The following DGKB variants were observed in gnomAD, a reference collection of about 807,000 sequenced individuals.
The protein encoded by DGKB is diacylglycerol kinase beta, also known as 90 kDa diacylglycerol kinase.
Under a neutral mutation model 114.3 loss-of-function variants are expected in DGKB, and 67 were observed. That is an observed-to-expected ratio of 0.59 (90% confidence interval 0.48 to 0.72). The LOEUF (loss-of-function observed/expected upper bound fraction) is 0.72. Among genes scored for constraint, DGKB ranks in the 30% least tolerant of loss-of-function variants. The pLI is 0.00. For synonymous variants in DGKB, 398 were observed against 323.1 expected, an observed-to-expected ratio of 1.23 and a Z score of -2.49; for missense variants, 907 against 975.2, an observed-to-expected ratio of 0.93 and a Z score of 0.93.
intron 5 of DGKB, among the ~76,000 whole-genome samples, chr7:14,729,110 T>C (rs1158755278): frequency 6.8e-6 from 1 of 147,418 alleles, no homozygotes; most frequent in Non-Finnish European, 1.5e-5. Flanking sequence ...TGGAAACGGG[T>C]TTCATTTTCT....
chr7:14,477,923 T>C (rs1427539332), intron 21 of DGKB, among the ~76,000 whole-genome samples: 1 of 152,106 alleles, frequency 6.6e-6, no homozygotes, highest in Non-Finnish European at 1.5e-5. Flanking sequence ...TCTTTCTTTA[T>C]AATACATGAG....
At chr7:14,303,586 C>A (rs1272234878) in intron 23 of DGKB, among the ~76,000 whole-genome samples, 2 of 151,932 alleles carry the variant, frequency 1.3e-5, no homozygotes. Context: ...TCAGACCAAA[C>A]CTAGTCTTGA....
intron 17 of DGKB, among the ~76,000 whole-genome samples, chr7:14,598,038 C>A (rs1390053883): frequency 6.6e-6 from 1 of 152,020 alleles, no homozygotes; most frequent in Non-Finnish European, 1.5e-5. Flanking sequence ...TCAAATTATT[C>A]CCACAGAAGG....
chr7:14,652,288 G>T (rs1408562779), intron 13 of DGKB, among the ~76,000 whole-genome samples: 1 of 152,144 alleles, frequency 6.6e-6, no homozygotes, highest in East Asian at 1.9e-4. Context: ...CACGGTACTG[G>T]TACCAAAACA....
At chr7:14,298,438 A>G (rs992348505) in intron 23 of DGKB, among the ~76,000 whole-genome samples, 2 of 152,198 alleles carry the variant, frequency 1.3e-5, no homozygotes, top group African/African-American at 4.8e-5. Context: ...CAAACCTGAC[A>G]AAAACAAGCA....
intron 4 of DGKB, among the ~76,000 whole-genome samples, chr7:14,742,729 G>C (rs116141950): frequency 0.011 from 1,632 of 152,236 alleles, 31 homozygotes; most frequent in African/African-American, 0.037. Context: ...TTACATTAAA[G>C]TTTAAAATTG....
At chr7:14,885,177 G>T (rs1445818445) in intron 1 of DGKB, among the ~76,000 whole-genome samples, 2 of 151,884 alleles carry the variant, frequency 1.3e-5, no homozygotes, top group Non-Finnish European at 2.9e-5. Flanking sequence ...TGTGTAGGAA[G>T]GAAAGGAGAG....
chr7:14,312,424 T>A (rs1805557998), intron 23 of DGKB, among the ~76,000 whole-genome samples: 1 of 152,230 alleles, frequency 6.6e-6, no homozygotes. Flanking sequence ...ATGAAACAAG[T>A]AGCACCTAAC....
intron 1 of DGKB, among the ~76,000 whole-genome samples, chr7:14,897,189 T>C (rs1023229599): frequency 1.3e-5 from 2 of 151,934 alleles, no homozygotes; most frequent in African/African-American, 2.4e-5. Context: ...AAGCCCTACG[T>C]GTTATACAGT....
At chr7:14,882,157 TA>T (rs896855118) in intron 1 of DGKB, among the ~76,000 whole-genome samples, 8 of 151,856 alleles carry the variant, frequency 5.3e-5, no homozygotes, top group Non-Finnish European at 1.0e-4. Flanking sequence ...AATTTGGAGT[TA>T]AAAAAGTGAG....
chr7:14,842,503 C>G (rs1192859969), intron 1 of DGKB, among the ~76,000 whole-genome samples: 2 of 152,194 alleles, frequency 1.3e-5, no homozygotes, highest in African/African-American at 4.8e-5. Flanking sequence ...GATATCTTTT[C>G]TCTTTTCTCT....
intron 21 of DGKB, among the ~76,000 whole-genome samples, chr7:14,410,988 T>G (rs1824775550): frequency 6.6e-6 from 1 of 152,168 alleles, no homozygotes; most frequent in South Asian, 2.1e-4. Flanking sequence ...GAAACCTTAC[T>G]TGAAGTCTTG....
chr7:14,747,771 A>ACGCGCGCGCGCGCG (rs1344297768), intron 4 of DGKB, among the ~76,000 whole-genome samples: 11 of 92,114 alleles, frequency 1.2e-4, no homozygotes, highest in African/African-American at 7.7e-4. Context: ...AAACACATCC[A>ACGCGCGCGCGCGCG]CGCGCACGCA....
chr7:14,364,173 T>TA (rs898251225), intron 21 of DGKB, among the ~76,000 whole-genome samples: 11 of 151,892 alleles, frequency 7.2e-5, no homozygotes, highest in East Asian at 1.9e-4. Context: ...TTATTTCCAA[T>TA]AAAAAAAACA....
intron 21 of DGKB, among the ~76,000 whole-genome samples, chr7:14,363,875 C>G (rs943472191): frequency 2.0e-5 from 3 of 151,944 alleles, no homozygotes; most frequent in Admixed American, 6.6e-5. Flanking sequence ...CTAAATAAAT[C>G]TAATAATGAA....
intron 7 of DGKB, among the ~76,000 whole-genome samples, chr7:14,698,427 T>C (rs1053977465): frequency 1.3e-5 from 2 of 152,170 alleles, no homozygotes; most frequent in African/African-American, 4.8e-5. Flanking sequence ...AAATACATTT[T>C]CTTCTACTAA....
At position 14,338,619 on chromosome 7, in the gene DGKB, C is replaced by A; in HGVS notation, c.2018G>T (p.Trp673Leu). Residue 673 changes from tryptophan to leucine, a missense_variant, in exon 23 of 26, where the codon TGG becomes TTG. By Grantham distance (61) the Trp-to-Leu change is moderately conservative. Coordinates refer to ENST00000402815, the MANE Select transcript of DGKB (RefSeq NM_001350709.2). The part of the protein sequence containing the change: ...IPSMHGGSNL[W>L]GESKKRRSHR... ...GCTTCGTCTTTTCTTAGACTCTCCC[C>A]AAAGATTGGATCCTCCATGCATGCT... 5 of 1,610,098 alleles carry A rather than the reference C, an allele frequency of 3.1e-6. No individual in the cohort carries two copies. Among genetic ancestry groups the A allele is most frequent in the Non-Finnish European group, 4.2e-6 (5 of 1,177,738 alleles).
intron 13 of DGKB, among the ~76,000 whole-genome samples, chr7:14,652,516 C>G (rs371345770): frequency 6.6e-6 from 1 of 152,004 alleles, no homozygotes; most frequent in Non-Finnish European, 1.5e-5. Flanking sequence ...GGATTAAAGA[C>G]TTAAACGTTA....
At chr7:14,495,407 CA>C (rs1785159429) in intron 20 of DGKB, among the ~76,000 whole-genome samples, 1 of 151,646 alleles carries the variant, frequency 6.6e-6, no homozygotes, top group African/African-American at 2.4e-5. Context: ...TGTTATTACA[CA>C]AAATTGTAAA....
Sources: allele counts gnomAD v4.1 joint callset (sites outside exome capture counted in the v4.1 genomes callset), GRCh38; gene constraint gnomAD v4.1.1; transcripts MANE v1.5; gene names NCBI Gene and HGNC (gene_info 2026-07-23, HGNC 2026-07-21).